Variants in WWOX observed in about 807,000 individuals in gnomAD.
WWOX encodes the protein WW domain containing oxidoreductase, also known as WW domain-containing oxidoreductase.
Under a neutral mutation model 46.2 loss-of-function variants are expected in WWOX, and 69 were observed. The ratio of observed to expected loss-of-function variants is 1.49; its 90% CI spans 1.23 to 1.82. WWOX has a LOEUF of 1.82. WWOX is among the 40% of genes most tolerant of loss of function. The pLI is 0.00. For missense variants in WWOX, 919 were observed against 542.6 expected (o/e 1.69, Z -6.89); for synonymous variants, 359 against 202.6 (o/e 1.77, Z -6.56).
intron 5 of WWOX, among the ~76,000 whole-genome samples, chr16:78,322,755 A>G (rs2080514215): frequency 6.6e-6 from 1 of 152,228 alleles, no homozygotes. Flanking sequence ...TATGCTTTGC[A>G]GTACAGTCTT....
intron 8 of WWOX, among the ~76,000 whole-genome samples, chr16:79,113,248 C>G (rs1042231035): frequency 1.3e-5 from 2 of 152,122 alleles, no homozygotes; most frequent in African/African-American, 2.4e-5. Flanking sequence ...AAAAGCCATC[C>G]CAGGGTGCGT....
Position 78,251,242 on chromosome 16 carries a change from G to A in WWOX, c.516+86953G>A, listed in dbSNP as rs563649081. Among the ~76,000 whole-genome samples, 14 of 152,242 alleles carry A rather than the reference G, an allele frequency of 9.2e-5. No homozygotes were observed. In the South Asian group the frequency reaches 2.7e-3, roughly 29 times the overall value. ...TACTTTTGTTTTTTACCCAGTTTCT[G>A]TTCAAAGGTCGTATTTCATGGTGCC... On this transcript the variant is annotated intron_variant, in intron 5 of 8. Coordinates refer to ENST00000566780, the MANE Select transcript of WWOX (RefSeq NM_016373.4).
rs529582171 is a variant in WWOX at position 78,205,173 on chromosome 16, C to G, written c.516+40884C>G. ...ACATGACAATTATGGAAGTTCAGAG[C>G]ACATAGCAGTCTTTTCCAGTGATGG... On this transcript the variant is annotated intron_variant, in intron 5 of 8. Transcript: ENST00000566780. 5.3e-5 allele frequency among the ~76,000 whole-genome samples: 8 copies of G among 152,130 alleles called. No individual in the cohort carries two copies. The South Asian group carries it at 1.7e-3, about 32-fold the overall frequency.
chr16:78,712,033 C>T (rs371723471), intron 8 of WWOX, among the ~76,000 whole-genome samples: 30 of 152,152 alleles, frequency 2.0e-4, no homozygotes, highest in Non-Finnish European at 3.1e-4. Context: ...AATCATAGGG[C>T]GCCTGAGCTC....
At chr16:78,285,378 AACATTAT>A (rs1488821587) in intron 5 of WWOX, among the ~76,000 whole-genome samples, 2 of 152,070 alleles carry the variant, frequency 1.3e-5, no homozygotes, top group African/African-American at 2.4e-5. Context: ...CCAGAAGTTC[AACATTAT>A]AGTGAGCCAC....
At chr16:79,194,460 C>A (rs2051198231) in intron 8 of WWOX, among the ~76,000 whole-genome samples, 1 of 152,150 alleles carries the variant, frequency 6.6e-6, no homozygotes, top group African/African-American at 2.4e-5. Context: ...AAGAAAGGTT[C>A]TGGTTATGAA....
chr16:78,689,945 C>G (rs1248534750), intron 8 of WWOX, among the ~76,000 whole-genome samples: 1 of 152,246 alleles, frequency 6.6e-6, no homozygotes, highest in Admixed American at 6.5e-5. Context: ...ACTGCAACCT[C>G]TGCCTCGCAG....
chr16:78,278,702 C>T lies in WWOX; in HGVS notation c.517-108158C>T. The stretch of plus-strand genomic sequence containing the variant: ...AGATCTTGAATAGTCTCATCAATTA[C>T]ATCTTCTTTTGTGGGTATTTCCTGG... On this transcript the variant is annotated intron_variant, in intron 5 of 8. Transcript: ENST00000566780. The T allele has an allele frequency of 3.2e-6, 5 of 1,549,520 alleles. 1 individual carries two copies. Among genetic ancestry groups the T allele is most frequent in the Non-Finnish European group, 4.4e-6 (5 of 1,129,164 alleles).
intron 8 of WWOX, among the ~76,000 whole-genome samples, chr16:78,433,732 C>T (rs2083274031): frequency 2.0e-5 from 3 of 149,634 alleles, no homozygotes; most frequent in South Asian, 4.3e-4. Context: ...CCTTCTCTTA[C>T]ACTCATTCCC....
chr16:78,355,646 G>C, intron 5 of WWOX: 1 of 642,228 alleles, frequency 1.6e-6, no homozygotes, highest in Non-Finnish European at 2.8e-6. Context: ...AGAGCTTCGA[G>C]GCAGATTACA....
chr16:78,158,495 C>CT (rs1167561847), intron 4 of WWOX, among the ~76,000 whole-genome samples: 1 of 151,894 alleles, frequency 6.6e-6, no homozygotes, highest in Non-Finnish European at 1.5e-5. Context: ...CTCCTTTCCC[C>CT]TTTTTTGAGA....
intron 5 of WWOX, among the ~76,000 whole-genome samples, chr16:78,172,445 G>A (rs901344118): frequency 6.6e-6 from 1 of 152,074 alleles, no homozygotes; most frequent in African/African-American, 2.4e-5. Context: ...AAAATATTCT[G>A]AGTTTCCTGT....
At chr16:79,121,323 C>T (rs980634240) in intron 8 of WWOX, among the ~76,000 whole-genome samples, 2 of 152,158 alleles carry the variant, frequency 1.3e-5, no homozygotes, top group Admixed American at 6.5e-5. Flanking sequence ...ATGATATCTT[C>T]TCCATAGTCG....
chr16:78,630,335 C>G (rs905879943), intron 8 of WWOX, among the ~76,000 whole-genome samples: 12 of 152,106 alleles, frequency 7.9e-5, no homozygotes, highest in African/African-American at 2.9e-4. Context: ...AGGGCTGTCA[C>G]CATTCCCAGA....
At chr16:79,058,904 T>A (rs967198044) in intron 8 of WWOX, among the ~76,000 whole-genome samples, 1 of 152,224 alleles carries the variant, frequency 6.6e-6, no homozygotes, top group Non-Finnish European at 1.5e-5. Context: ...CTCCTCTCCG[T>A]ACACTTTGGA....
At chr16:78,514,158 ACTTAGAGAGTGACTTTCAGATACAGCAAC>A (rs548804725) in intron 8 of WWOX, among the ~76,000 whole-genome samples, 2 of 152,336 alleles carry the variant, frequency 1.3e-5, no homozygotes, top group South Asian at 4.1e-4. Flanking sequence ...TCAGAAAAAA[ACTTAGAGAGTGACTTTCAGATACAGCAAC>A]CTAGTCTATG....
intron 8 of WWOX, among the ~76,000 whole-genome samples, chr16:78,483,897 G>C (rs1422709245): frequency 2.6e-5 from 4 of 152,200 alleles, no homozygotes; most frequent in Non-Finnish European, 2.9e-5. Context: ...GTGGTCAACA[G>C]TGGGGCTTAG....
intron 8 of WWOX, among the ~76,000 whole-genome samples, chr16:78,638,062 T>C (rs181290965): frequency 8.7e-4 from 132 of 152,326 alleles, no homozygotes; most frequent in Admixed American, 7.2e-3. Flanking sequence ...CTCTGGGTTC[T>C]CCGTACCGCT....
At chr16:78,964,382 G>A (rs1156578222) in intron 8 of WWOX, among the ~76,000 whole-genome samples, 1 of 152,120 alleles carries the variant, frequency 6.6e-6, no homozygotes, top group Non-Finnish European at 1.5e-5. Flanking sequence ...TGGAGCACAG[G>A]TGACTCTTGT....
Sources: gnomAD v4.1 joint callset for allele counts (sites outside exome capture counted in the v4.1 genomes callset) on GRCh38, gnomAD v4.1.1 for gene constraint, MANE v1.5 for transcripts, NCBI Gene and HGNC (gene_info 2026-07-23, HGNC 2026-07-21) for gene names.